SLC25A33: variants seen among roughly 807,000 people sequenced by gnomAD.
SLC25A33 encodes bone marrow stromal cell mitochondrial carrier protein.
A neutral mutation model predicts 35.5 loss-of-function variants in SLC25A33; 15 were observed. The observed-to-expected ratio is 0.42, with a 90% CI of 0.28 to 0.65. The LOEUF is 0.65. Ranked by LOEUF, SLC25A33 falls within the 30% of genes least tolerant of loss-of-function variation. SLC25A33 has a pLI of 0.20. For missense variants in SLC25A33, 257 were observed against 398.5 expected (o/e 0.64, Z 3.02); for synonymous variants, 136 against 148.7 (o/e 0.91, Z 0.62).
chr1:9,575,325 AAGGAGGC>A (rs1223068283), intron 5 of SLC25A33, among the ~76,000 whole-genome samples: 1 of 151,938 alleles, frequency 6.6e-6, no homozygotes, highest in Non-Finnish European at 1.5e-5. Context: ...CCTCTAAAGA[AAGGAGGC>A]AGAGCTGGGC....
rs937887161 is a variant in SLC25A33, at chr1:9,578,372, C to T, written c.483-1582C>T. 6.6e-6 allele frequency among the ~76,000 whole-genome samples: 1 copy of T among 152,180 alleles called. No individual in the cohort carries two copies. The highest frequency in any genetic ancestry group is 1.5e-5 in the Non-Finnish European group (1 of 68,034). On this transcript the variant is annotated intron_variant, in intron 5 of 6. Coordinates refer to ENST00000302692, the MANE Select transcript of SLC25A33 (RefSeq NM_032315.3). The surrounding 1 kb of genome is among the most constrained non-coding windows in gnomAD (Gnocchi z 4.3). ...AAGGGGCCCCAGGTCTGCGCCCGCT[C>T]GGAGGGGTCTGTGATGTGTGACCGG...
chr1:9,576,974 G>T, intron 5 of SLC25A33: 1 of 1,226,118 alleles, frequency 8.2e-7, no homozygotes. Context: ...TGTTCAGCAG[G>T]CTGATGAATA....
At chr1:9,580,350 C>T in intron 6 of SLC25A33, 116 bp downstream of exon 6, 1 of 1,334,264 alleles carries the variant, frequency 7.5e-7, no homozygotes. Context: ...CAGGTAAGGT[C>T]AGTGAGTATG....
chr1:9,564,092 A>G (rs763371415), intron 2 of SLC25A33, among the ~76,000 whole-genome samples: 3 of 152,232 alleles, frequency 2.0e-5, no homozygotes, highest in African/African-American at 4.8e-5. Context: ...AGACCATTAT[A>G]TAACAATGTA....
At chr1:9,567,755 A>G (rs1019029121) in intron 3 of SLC25A33, among the ~76,000 whole-genome samples, 10 of 152,172 alleles carry the variant, frequency 6.6e-5, no homozygotes, top group African/African-American at 1.7e-4. Flanking sequence ...GGTGACTCCA[A>G]CGCAGTTAGA....
intron 2 of SLC25A33, chr1:9,556,184 G>A (rs1188129830): frequency 7.1e-6 from 7 of 985,366 alleles, no homozygotes; most frequent in Middle Eastern, 5.2e-4. Flanking sequence ...ATGCTTAGGC[G>A]GTGCCAGTGT....
At chr1:9,573,465 T>G (rs757213568) in intron 5 of SLC25A33, 53 bp downstream of exon 5, 3 of 1,469,276 alleles carry the variant, frequency 2.0e-6, no homozygotes, top group Admixed American at 1.8e-5. Flanking sequence ...GATTTTTTTT[T>G]CTTGCCCCAA....
intron 4 of SLC25A33, among the ~76,000 whole-genome samples, chr1:9,570,902 G>A (rs1015360065): frequency 4.0e-5 from 6 of 151,792 alleles, no homozygotes; most frequent in African/African-American, 4.8e-5. Flanking sequence ...TAGTAGAGAC[G>A]AGGTTTCACC....
Position 9,582,303 on chromosome 1 carries a change from C to T in SLC25A33, c.768C>T (p.Val256=), listed in dbSNP as rs576334228. ...TAGGTCTTTCTCTCTCTGCAGAAGT[C>T]ATAAGGACGAGGCTCCGGGAAGAGG... ...CASCIAYPHE[V]IRTRLREEGT... Residue 256 remains valine, a synonymous_variant, in exon 7 of 7, where the codon GTC becomes GTT. Coordinates refer to ENST00000302692, the MANE Select transcript of SLC25A33 (RefSeq NM_032315.3). This position sits in a 1 kb window ranked among gnomAD's most constrained non-coding sequence, Gnocchi z 4.0. 1 of 1,613,982 alleles carries T rather than the reference C, an allele frequency of 6.2e-7. No individual in the cohort carries two copies. Among genetic ancestry groups the T allele is most frequent in the Admixed American group, 1.7e-5 (1 of 60,018 alleles).
chr1:9,561,273 T>C (rs559289345), intron 2 of SLC25A33, among the ~76,000 whole-genome samples: 23 of 152,284 alleles, frequency 1.5e-4, no homozygotes, highest in Non-Finnish European at 1.9e-4. Context: ...GCCTTTTTCA[T>C]TGAAAAGTAA....
At chr1:9,544,946 T>C (rs1350651095) in intron 1 of SLC25A33, among the ~76,000 whole-genome samples, 1 of 152,236 alleles carries the variant, frequency 6.6e-6, no homozygotes, top group African/African-American at 2.4e-5. Context: ...TTTAAAATTT[T>C]ATGACTTCTG....
At position 9,553,671 on chromosome 1, in the gene SLC25A33, C is replaced by T. The variant is rs1345277020; in HGVS notation, c.102C>T (p.Val34=). Residue 34 remains valine (V), a synonymous_variant, in exon 2 of 7, where the codon GTC becomes GTT. Coordinates refer to ENST00000302692, the MANE Select transcript of SLC25A33 (RefSeq NM_032315.3). ...VGAIFTCPLE[V]IKTRLQSSRL... ...CTATTTTCACTTGTCCACTAGAAGT[C>T]ATTAAGACACGGTTGCAGTCTTCAA... The T allele has an allele frequency of 1.2e-6, 2 of 1,614,026 alleles. No homozygotes were observed. Among genetic ancestry groups the T allele is most frequent in the Non-Finnish European group, 1.7e-6 (2 of 1,180,036 alleles).
chr1:9,553,591 A>G lies in SLC25A33; in HGVS notation c.57-35A>G, dbSNP rs780534112. On this transcript the variant is annotated intron_variant, in intron 1 of 6. Transcript: ENST00000302692. ...AGCATTCCATTGTGTAGGGAATAGT[A>G]TAGCTTCTCTGATCTGCTTTGGTTT... The G allele has an allele frequency of 1.2e-5, 20 of 1,609,562 alleles. No individual in the cohort carries two copies. The South Asian group carries it at 2.1e-4, about 17-fold the overall frequency.
intron 1 of SLC25A33, among the ~76,000 whole-genome samples, chr1:9,541,115 G>A (rs1375997926): frequency 6.6e-6 from 1 of 151,504 alleles, no homozygotes; most frequent in Admixed American, 6.6e-5. Flanking sequence ...CCGAGTAGCT[G>A]GGATTACAGG....
intron 1 of SLC25A33, among the ~76,000 whole-genome samples, chr1:9,543,525 C>T (rs545584332): frequency 6.6e-6 from 1 of 152,168 alleles, no homozygotes; most frequent in Non-Finnish European, 1.5e-5. Context: ...TGTATGTAGG[C>T]TTGATTTGCC....
chr1:9,576,804 T>C, intron 5 of SLC25A33: 2 of 1,226,948 alleles, frequency 1.6e-6, no homozygotes, highest in Non-Finnish European at 2.3e-6. Flanking sequence ...TGAGACCAGG[T>C]GTTGCTTGTT....
intron 2 of SLC25A33, among the ~76,000 whole-genome samples, chr1:9,560,989 G>A (rs145777274): frequency 0.024 from 3,486 of 142,540 alleles, 146 homozygotes; most frequent in African/African-American, 0.087. Context: ...TTGCTCTGTC[G>A]CCCAGGCTGG....
rs375883230 is a variant in SLC25A33 at position 9,580,181 on chromosome 1, T to C, written c.710T>C (p.Met237Thr). 67 of 1,609,480 alleles carry C rather than the reference T, an allele frequency of 4.2e-5. No homozygotes were observed. The highest frequency in any genetic ancestry group is 5.0e-5 in the Non-Finnish European group (59 of 1,178,438). The stretch of plus-strand genomic sequence containing the variant: ...AATTCCACAAGTTTTTTTGGACTTA[T>C]GGCAGCTGCTGCTCTTTCTAAGGGC... ...EKNSTSFFGL[M>T]AAAALSKGCA... is the part of the protein sequence containing the mutation. The change falls in exon 6 of 7, where the codon ATG becomes ACG. Residue 237 changes from methionine (M) to threonine (T), a missense_variant. Coordinates refer to ENST00000302692, the MANE Select transcript of SLC25A33 (RefSeq NM_032315.3).
chr1:9,547,827 G>T (rs766636583), intron 1 of SLC25A33, among the ~76,000 whole-genome samples: 1 of 151,330 alleles, frequency 6.6e-6, no homozygotes, highest in Non-Finnish European at 1.5e-5. Flanking sequence ...AAGTTTTTGT[G>T]GGTTTCTTGT....
Sources: gnomAD v4.1 joint callset for allele counts (sites outside exome capture counted in the v4.1 genomes callset) on GRCh38, gnomAD v4.1.1 for gene constraint, Gnocchi (gnomAD v3.1) non-coding constraint, MANE v1.5 for transcripts, NCBI Gene and HGNC (gene_info 2026-07-23, HGNC 2026-07-21) for gene names.